Variants in BTBD8 observed in about 807,000 individuals in gnomAD.
The protein encoded by BTBD8 is BTB/POZ domain-containing protein 8.
BTBD8 carries 110 observed loss-of-function variants against 162.9 expected under a neutral mutation model. That is an observed-to-expected ratio of 0.68 (90% CI 0.58 to 0.79). The LOEUF is 0.79. BTBD8 is among the 30% of genes least tolerant of loss of function. The pLI, the probability that BTBD8 is intolerant of heterozygous loss-of-function variation, is 0.00. For synonymous variants in BTBD8, 667 were observed against 716.1 expected (o/e 0.93, Z 1.10); for missense variants, 1,905 against 2,085.4 (o/e 0.91, Z 1.68).
intron 13 of BTBD8, among the ~76,000 whole-genome samples, chr1:92,171,889 G>A (rs1650555755): frequency 6.6e-6 from 1 of 152,120 alleles, no homozygotes; most frequent in Non-Finnish European, 1.5e-5. Context: ...TCAGGAGTTC[G>A]AGAGCAGCCA....
chr1:92,141,270 T>C (rs1469187235), intron 7 of BTBD8, 59 bp downstream of exon 7: 1 of 1,501,602 alleles, frequency 6.7e-7, no homozygotes, highest in African/African-American at 1.4e-5. Context: ...TATTACCTGC[T>C]AGATTTTTAA....
intron 4 of BTBD8, among the ~76,000 whole-genome samples, chr1:92,122,173 T>C (rs1411325092): frequency 1.3e-5 from 2 of 152,174 alleles, no homozygotes; most frequent in Non-Finnish European, 2.9e-5. Context: ...TGCTGCATAG[T>C]ATTGGATTGT....
chr1:92,179,805 G>T (rs1650831475), intron 16 of BTBD8, among the ~76,000 whole-genome samples: 2 of 152,224 alleles, frequency 1.3e-5, no homozygotes, highest in Admixed American at 6.5e-5. Context: ...GAAAACAACT[G>T]CAACAATTTT....
chr1:92,081,583 T>A (rs915729686), intron 1 of BTBD8, among the ~76,000 whole-genome samples: 13 of 152,184 alleles, frequency 8.5e-5, no homozygotes, highest in African/African-American at 2.9e-4. Context: ...TTCTACTTTT[T>A]TTTTTTTGGA....
chr1:92,109,658 T>C (rs754487437), intron 4 of BTBD8, among the ~76,000 whole-genome samples: 2 of 152,244 alleles, frequency 1.3e-5, no homozygotes, highest in Non-Finnish European at 2.9e-5. Flanking sequence ...TTTTAAATTA[T>C]AAGGTTACCT....
At chr1:92,110,155 A>C (rs1234264920) in intron 4 of BTBD8, among the ~76,000 whole-genome samples, 1 of 152,150 alleles carries the variant, frequency 6.6e-6, no homozygotes, top group Non-Finnish European at 1.5e-5. Flanking sequence ...CAATCCCCGG[A>C]ACACTTTCTA....
At chr1:92,089,436 T>A (rs538290531) in intron 2 of BTBD8, among the ~76,000 whole-genome samples, 8 of 152,312 alleles carry the variant, frequency 5.3e-5, no homozygotes, top group Non-Finnish European at 8.8e-5. Flanking sequence ...TATAAAAATA[T>A]AACGTCATAA....
chr1:92,173,501 T>G (rs541493856), intron 13 of BTBD8, among the ~76,000 whole-genome samples: 143 of 152,298 alleles, frequency 9.4e-4, no homozygotes, highest in African/African-American at 3.2e-3. Flanking sequence ...TCCTATCCCC[T>G]GCTACTCACC....
intron 1 of BTBD8, among the ~76,000 whole-genome samples, chr1:92,082,149 C>CA (rs1648035534): frequency 6.6e-6 from 1 of 152,036 alleles, no homozygotes; most frequent in African/African-American, 2.4e-5. Context: ...ATCTTAGTTA[C>CA]AACTGAGGGT....
chr1:92,166,719 C>T (rs1438388822), intron 9 of BTBD8, among the ~76,000 whole-genome samples: 1 of 152,070 alleles, frequency 6.6e-6, no homozygotes, highest in East Asian at 1.9e-4. Context: ...GCCACTGTAC[C>T]CCACCTCTTT....
Position 92,181,767 on chromosome 1 carries a change from G to A in BTBD8, c.4084G>A (p.Glu1362Lys). The change falls in exon 17 of 18, where the codon GAA becomes AAA. Residue 1362 changes from glutamate (E) to lysine (K), a missense_variant. Physicochemically the swap from Glu to Lys is moderately conservative, Grantham distance 56. This residue lies in a region of BTBD8 where 517 missense variants were observed against 606.6 expected (regional missense o/e 0.85). Coordinates refer to ENST00000636805, the MANE Select transcript of BTBD8 (RefSeq NM_001376131.1). ...RSAIVHSRER[E>K]NIPRGSVQFA... is the part of the protein sequence containing the mutation. ...TGCAATAGTTCACTCTAGGGAAAGA[G>A]AAAATATTCCACGAGGCAGTGTCCA... 1 of 1,551,416 alleles carries A rather than the reference G, an allele frequency of 6.4e-7. No homozygotes were observed. The highest frequency in any genetic ancestry group is 8.7e-7 in the Non-Finnish European group (1 of 1,146,944).
chr1:92,163,164 C>T (rs1432321554), intron 9 of BTBD8, among the ~76,000 whole-genome samples: 4 of 151,726 alleles, frequency 2.6e-5, no homozygotes, highest in African/African-American at 4.8e-5. Context: ...ACCATCCTGG[C>T]TAACACGGTG....
At chr1:92,104,612 C>G (rs1298488990) in intron 3 of BTBD8, among the ~76,000 whole-genome samples, 2 of 152,212 alleles carry the variant, frequency 1.3e-5, no homozygotes, top group Non-Finnish European at 2.9e-5. Flanking sequence ...GTGAAAAGAG[C>G]TTCTGCCTTT....
At chr1:92,141,956 A>G (rs998791534) in intron 7 of BTBD8, among the ~76,000 whole-genome samples, 9 of 152,208 alleles carry the variant, frequency 5.9e-5, no homozygotes, top group African/African-American at 1.9e-4. Context: ...AATTCTAATT[A>G]GGTGGTTTTA....
rs1192942516 is a variant in BTBD8, at chr1:92,182,291, G to A, written c.4608G>A (p.Lys1536=). 18 of 1,551,152 alleles carry A rather than the reference G, an allele frequency of 1.2e-5. No individual in the cohort carries two copies. Among genetic ancestry groups the A allele is most frequent in the Non-Finnish European group, 1.6e-5 (18 of 1,146,858 alleles). Residue 1536 remains lysine (K), a synonymous_variant, in exon 17 of 18, where the codon AAG becomes AAA. Coordinates refer to ENST00000636805, the MANE Select transcript of BTBD8 (RefSeq NM_001376131.1). The stretch of plus-strand genomic sequence containing the variant: ...AGAGTGTTTCAGCCACAGAAAAAAA[G>A]AACACAATAGACGTCCTATCCAGTA... The part of the protein sequence containing the change: ...NKQSVSATEK[K]NTIDVLSSRS...
At chr1:92,104,302 A>G (rs1648671227) in intron 3 of BTBD8, among the ~76,000 whole-genome samples, 1 of 152,232 alleles carries the variant, frequency 6.6e-6, no homozygotes, top group Non-Finnish European at 1.5e-5. Flanking sequence ...GATTCCTGTT[A>G]TATTACAGTC....
intron 9 of BTBD8, among the ~76,000 whole-genome samples, chr1:92,166,451 G>A (rs181770877): frequency 9.4e-5 from 12 of 127,112 alleles, no homozygotes; most frequent in Admixed American, 3.6e-4. Context: ...TTGAGATGGA[G>A]TCTTGCTCTG....
At chr1:92,178,229 AAAAC>A in intron 15 of BTBD8, 79 bp from the exon 16 acceptor site, 3 of 1,071,566 alleles carry the variant, frequency 2.8e-6, no homozygotes, top group Admixed American at 3.0e-5. Context: ...TTTCTTGAAA[AAAAC>A]TGTTTCAGGT....
At chr1:92,167,190 A>T in intron 10 of BTBD8, 50 bp downstream of exon 10, 2 of 1,534,662 alleles carry the variant, frequency 1.3e-6, no homozygotes, top group Non-Finnish European at 1.8e-6. Flanking sequence ...TTGTGTTCTG[A>T]TTTCAATTAT....
Sources: gnomAD v4.1 joint callset for allele counts (sites outside exome capture counted in the v4.1 genomes callset) on GRCh38, gnomAD v4.1.1 for gene constraint, gnomAD v4.1.1 regional missense constraint, MANE v1.5 for transcripts, NCBI Gene and HGNC (gene_info 2026-07-23, HGNC 2026-07-21) for gene names.